The following ICA1 variants were observed in gnomAD, a reference collection of about 807,000 sequenced individuals.
The protein encoded by ICA1 is 69 kDa islet cell autoantigen.
Under a neutral mutation model 71.0 loss-of-function variants are expected in ICA1, and 40 were observed. The observed-to-expected ratio is 0.56, with a 90% CI of 0.44 to 0.73. ICA1 has a LOEUF of 0.73. Ranked by LOEUF, ICA1 falls within the 30% of genes least tolerant of loss-of-function variation. The probability of loss-of-function intolerance (pLI) is 0.00; values close to 1 mark genes in which losing one functional copy is unlikely to be tolerated. For missense variants in ICA1, 578 were observed against 576.5 expected (o/e 1.00, Z -0.03); for synonymous variants, 207 against 209.5 (o/e 0.99, Z 0.10).
At chr7:8,180,556 TAGACAATGTC>T (rs1365282587) in intron 6 of ICA1, among the ~76,000 whole-genome samples, 1 of 152,152 alleles carries the variant, frequency 6.6e-6, no homozygotes, top group Non-Finnish European at 1.5e-5. Flanking sequence ...CGAGTTTTAG[TAGACAATGTC>T]AGTTTCCCAA....
intron 13 of ICA1, among the ~76,000 whole-genome samples, chr7:8,120,345 C>T (rs1786422961): frequency 1.3e-5 from 2 of 152,200 alleles, no homozygotes; most frequent in African/African-American, 4.8e-5. Context: ...CTAAGCTCAG[C>T]TACAGTTCCA....
At chr7:8,251,761 C>T (rs1022636155) in intron 1 of ICA1, among the ~76,000 whole-genome samples, 1 of 151,892 alleles carries the variant, frequency 6.6e-6, no homozygotes, top group African/African-American at 2.4e-5. Flanking sequence ...AATAAAATTG[C>T]CAAGCTACTT....
intron 6 of ICA1, among the ~76,000 whole-genome samples, chr7:8,210,520 G>C (rs1323256656): frequency 1.3e-5 from 2 of 152,128 alleles, no homozygotes; most frequent in Non-Finnish European, 2.9e-5. Context: ...AGTACATCCA[G>C]TAGGAAAGGT....
intron 3 of ICA1, among the ~76,000 whole-genome samples, chr7:8,230,121 T>C (rs555597614): frequency 6.6e-6 from 1 of 152,362 alleles, no homozygotes; most frequent in South Asian, 2.1e-4. Context: ...ATCAGTCCAC[T>C]CTGCTGTGGC....
chr7:8,242,290 C>A (rs914367579), intron 1 of ICA1, among the ~76,000 whole-genome samples: 1 of 152,176 alleles, frequency 6.6e-6, no homozygotes, highest in Non-Finnish European at 1.5e-5. Context: ...TACATGCAAA[C>A]TGAACTATCT....
At chr7:8,170,747 A>G (rs1808027491) in intron 6 of ICA1, among the ~76,000 whole-genome samples, 1 of 152,030 alleles carries the variant, frequency 6.6e-6, no homozygotes, top group South Asian at 2.1e-4. Context: ...ATTCATGTGG[A>G]TACATCTATG....
chr7:8,182,201 G>A (rs1245358695), intron 6 of ICA1, among the ~76,000 whole-genome samples: 1 of 151,994 alleles, frequency 6.6e-6, no homozygotes, highest in Non-Finnish European at 1.5e-5. Context: ...TCTCTGAGAA[G>A]CCTATCTGGA....
In ICA1 at chr7:8,242,404, A is replaced by T. The variant is rs145311744; in HGVS notation, c.-79-6399T>A. Among the ~76,000 whole-genome samples the T allele has an allele frequency of 6.0e-3, 908 of 152,358 alleles. 12 individuals are homozygous for T. The highest frequency in any genetic ancestry group is 0.02 in the African/African-American group (841 of 41,586). Reference sequence around the variant, plus strand: ...CACAATGTACCAGAATCTCTGGGACACATTTAAAGCAGTGTATAGAGGGAA... The same window carrying T: ...CACAATGTACCAGAATCTCTGGGACTCATTTAAAGCAGTGTATAGAGGGAA... On this transcript the variant is annotated intron_variant, in intron 1 of 13. Transcript: ENST00000402384.
At chr7:8,154,150 T>A (rs12690855) in intron 8 of ICA1, among the ~76,000 whole-genome samples, 111,306 of 152,046 alleles carry the variant, frequency 0.73, 41,543 homozygotes, top group Middle Eastern at 0.85. Flanking sequence ...ATATTTGTTG[T>A]CACATAAAAC....
chr7:8,174,760 A>AC (rs1475869786), intron 6 of ICA1, among the ~76,000 whole-genome samples: 5 of 78,458 alleles, frequency 6.4e-5, no homozygotes, highest in African/African-American at 1.2e-4. Flanking sequence ...TATCTCAAAA[A>AC]AAAAAAAAAA....
intron 6 of ICA1, among the ~76,000 whole-genome samples, chr7:8,200,791 T>A (rs1789388812): frequency 6.6e-6 from 1 of 152,244 alleles, no homozygotes; most frequent in Non-Finnish European, 1.5e-5. Flanking sequence ...CCTGGATCCA[T>A]CTACTAAATG....
At chr7:8,208,008 A>T (rs1792227075) in intron 6 of ICA1, among the ~76,000 whole-genome samples, 1 of 152,190 alleles carries the variant, frequency 6.6e-6, no homozygotes, top group African/African-American at 2.4e-5. Context: ...CTTGTTAGGA[A>T]TGCTTTGTTG....
intron 6 of ICA1, among the ~76,000 whole-genome samples, chr7:8,163,032 A>T (rs1804490414): frequency 6.6e-6 from 1 of 152,144 alleles, no homozygotes; most frequent in South Asian, 2.1e-4. Flanking sequence ...CCAAAGTGCT[A>T]GGATTACAGC....
At chr7:8,229,830 G>C (rs923205783) in intron 3 of ICA1, among the ~76,000 whole-genome samples, 1 of 152,154 alleles carries the variant, frequency 6.6e-6, no homozygotes, top group African/African-American at 2.4e-5. Context: ...AAACAAAAGA[G>C]AAAATCAGCA....
In ICA1 at chr7:8,123,881, C is replaced by T. The variant is rs925749585; in HGVS notation, c.1330+3992G>A. The stretch of plus-strand genomic sequence containing the variant: ...AGTCCGGCTGCCTGGGCTCAAAATC[C>T]GGCCTGCCCGTTAACAGGAGTGTGA... On this transcript the variant is annotated intron_variant, in intron 13 of 13. Transcript: ENST00000402384. The surrounding 1 kb of genome is among the most constrained non-coding windows in gnomAD (Gnocchi z 4.1). Among the ~76,000 whole-genome samples, 6 of 152,178 alleles carry T rather than the reference C, an allele frequency of 3.9e-5. No homozygotes were observed. The highest frequency in any genetic ancestry group is 1.9e-4 in the East Asian group (1 of 5,184).
chr7:8,154,143 T>C (rs1386628978), intron 8 of ICA1, among the ~76,000 whole-genome samples: 2 of 152,134 alleles, frequency 1.3e-5, no homozygotes, highest in Non-Finnish European at 2.9e-5. Context: ...AAAAGCAATA[T>C]TTGTTGTCAC....
intron 6 of ICA1, among the ~76,000 whole-genome samples, chr7:8,215,163 C>G (rs963693422): frequency 1.2e-4 from 18 of 152,192 alleles, no homozygotes; most frequent in Admixed American, 2.6e-4. Context: ...ACTCCGTCCC[C>G]TTAGAGCGGT....
intron 6 of ICA1, among the ~76,000 whole-genome samples, chr7:8,185,406 C>T (rs547258513): frequency 6.6e-6 from 1 of 152,226 alleles, no homozygotes; most frequent in Non-Finnish European, 1.5e-5. Flanking sequence ...ACCCACCCAC[C>T]AATCCATTTA....
At chr7:8,208,802 G>A (rs1386999736) in intron 6 of ICA1, among the ~76,000 whole-genome samples, 1 of 152,168 alleles carries the variant, frequency 6.6e-6, no homozygotes, top group Non-Finnish European at 1.5e-5. Context: ...GTGGGGGTAG[G>A]GGGAGTTGTC....
Sources: gnomAD v4.1 joint callset for allele counts (sites outside exome capture counted in the v4.1 genomes callset) on GRCh38, gnomAD v4.1.1 for gene constraint, Gnocchi (gnomAD v3.1) non-coding constraint, MANE v1.5 for transcripts, NCBI Gene and HGNC (gene_info 2026-07-23, HGNC 2026-07-21) for gene names.